Variants in CSNK1G1 observed in about 807,000 individuals in gnomAD.
CSNK1G1 encodes casein kinase I isoform gamma-1.
A neutral mutation model predicts 59.6 loss-of-function variants in CSNK1G1; 22 were observed. The observed-to-expected ratio is 0.37, with a 90% CI of 0.26 to 0.53. CSNK1G1 has a LOEUF of 0.53. CSNK1G1 is among the 20% of genes least tolerant of loss of function. CSNK1G1 has a pLI of 0.89. For missense variants in CSNK1G1, 384 were observed against 519.5 expected (o/e 0.74, Z 2.54); for synonymous variants, 179 against 177.1 (o/e 1.01, Z -0.08).
chr15:64,355,220 T>C (rs1898580154), intron 1 of CSNK1G1, among the ~76,000 whole-genome samples: 1 of 152,200 alleles, frequency 6.6e-6, no homozygotes, highest in Non-Finnish European at 1.5e-5. Flanking sequence ...GACTAGCCTA[T>C]TGTTAAATGC....
intron 4 of CSNK1G1, among the ~76,000 whole-genome samples, chr15:64,241,945 C>A: frequency 6.7e-6 from 1 of 149,248 alleles, no homozygotes; most frequent in African/African-American, 2.5e-5. Flanking sequence ...TAGACAAAAC[C>A]AACAAACCAT....
In CSNK1G1 at chr15:64,237,570, T is replaced by C. The variant is rs78424076; in HGVS notation, c.292+13942A>G. On this transcript the variant is annotated intron_variant, in intron 4 of 11. Coordinates refer to ENST00000303052, the MANE Select transcript of CSNK1G1 (RefSeq NM_022048.5). The stretch of plus-strand genomic sequence containing the variant: ...GAGTCCTCTTTAAGTAAAATTCCCA[T>C]TTTTTCTAGTATATCTTCAGAAGTT... Among the ~76,000 whole-genome samples, 1,279 of 152,324 alleles carry C rather than the reference T, an allele frequency of 8.4e-3. 19 individuals carry two copies. The highest frequency in any genetic ancestry group is 0.029 in the African/African-American group (1,202 of 41,570).
At chr15:64,173,619 C>CTTTTCT (rs1380813811) in intron 11 of CSNK1G1, among the ~76,000 whole-genome samples, 5 of 108,566 alleles carry the variant, frequency 4.6e-5, no homozygotes, top group African/African-American at 1.9e-4. Context: ...CTTTTCTTTT[C>CTTTTCT]TTTTTTTTTT....
In CSNK1G1 at chr15:64,333,369, G is replaced by A. The variant is rs186066456; in HGVS notation, c.-225+22619C>T. ...AATCCCAGCACTTTGGGAGGCTGAG[G>A]TGGGAGGATTACTTGAATCCAGGAG... On this transcript the variant is annotated intron_variant, in intron 1 of 11. Transcript: ENST00000303052. 5.4e-3 allele frequency among the ~76,000 whole-genome samples: 760 copies of A among 140,518 alleles called. 3 individuals are homozygous for A. Among genetic ancestry groups the A allele is most frequent in the South Asian group, 0.012 (49 of 4,214 alleles). The allele number at this position is 140,518 out of a possible 152,430, so 92.2% of individuals were successfully genotyped here.
At chr15:64,281,174 G>A (rs1479665872) in intron 2 of CSNK1G1, among the ~76,000 whole-genome samples, 6 of 152,118 alleles carry the variant, frequency 3.9e-5, no homozygotes, top group South Asian at 2.1e-4. Context: ...CCACCATGCC[G>A]GGCCAAAGGA....
intron 1 of CSNK1G1, among the ~76,000 whole-genome samples, chr15:64,338,602 AG>A (rs1897510320): frequency 7.3e-6 from 1 of 137,286 alleles, no homozygotes; most frequent in South Asian, 2.5e-4. Flanking sequence ...CAGGAAGCTG[AG>A]GCAGGAGAAT....
chr15:64,296,443 T>C (rs1596237922), intron 2 of CSNK1G1, among the ~76,000 whole-genome samples: 2 of 152,306 alleles, frequency 1.3e-5, no homozygotes, highest in Admixed American at 1.3e-4. Flanking sequence ...TATTATCACT[T>C]TGTATTGCAA....
At chr15:64,198,238 C>T (rs915494664) in intron 10 of CSNK1G1, among the ~76,000 whole-genome samples, 2 of 148,254 alleles carry the variant, frequency 1.3e-5, no homozygotes, top group African/African-American at 2.5e-5. Flanking sequence ...TCTGCTGCCC[C>T]GGCTGGAGTG....
At chr15:64,215,204 CTTTTTTTTTTTTTTT>C (rs11343127) in intron 5 of CSNK1G1, among the ~76,000 whole-genome samples, 1,461 of 81,890 alleles carry the variant, frequency 0.018, 22 homozygotes, top group Middle Eastern at 0.06. Context: ...TTTCTACTAA[CTTTTTTTTTTTTTTT>C]TTTTTTTTTT....
intron 4 of CSNK1G1, among the ~76,000 whole-genome samples, chr15:64,231,746 C>T (rs2082553436): frequency 1.3e-5 from 2 of 152,074 alleles, no homozygotes; most frequent in African/African-American, 4.8e-5. Context: ...AATTAGAAAC[C>T]ATTTTTTCTT....
chr15:64,173,073 T>C lies in CSNK1G1; in HGVS notation c.1215-1088A>G, dbSNP rs539576420. ...GTAAAGTTGGAAGCATAGCTCAGAC[T>C]TGCTAGATCCTTGAAAGAAAACTTT... is the stretch of plus-strand genomic sequence containing the variant. On this transcript the variant is annotated intron_variant, in intron 11 of 11. Coordinates refer to ENST00000303052, the MANE Select transcript of CSNK1G1 (RefSeq NM_022048.5). 4.6e-5 allele frequency among the ~76,000 whole-genome samples: 7 copies of C among 152,342 alleles called. No individual in the cohort carries two copies. In the East Asian group the frequency reaches 1.3e-3, roughly 29 times the overall value.
At chr15:64,349,839 T>G (rs750142023) in intron 1 of CSNK1G1, among the ~76,000 whole-genome samples, 36 of 150,688 alleles carry the variant, frequency 2.4e-4, no homozygotes, top group Non-Finnish European at 4.4e-4. Context: ...ACTCAGGAGG[T>G]TGAGGTGGAA....
At chr15:64,231,083 T>C (rs2082541890) in intron 4 of CSNK1G1, among the ~76,000 whole-genome samples, 1 of 151,732 alleles carries the variant, frequency 6.6e-6, no homozygotes, top group Admixed American at 6.6e-5. Flanking sequence ...TCTCAGCACT[T>C]TGGGAGGCTG....
intron 2 of CSNK1G1, among the ~76,000 whole-genome samples, chr15:64,292,372 C>T (rs1024137253): frequency 2.0e-5 from 3 of 152,144 alleles, no homozygotes; most frequent in Admixed American, 6.6e-5. Flanking sequence ...GAACAAGCTG[C>T]TACCCTTAGC....
chr15:64,253,052 T>C (rs1398178035), intron 3 of CSNK1G1, among the ~76,000 whole-genome samples: 1 of 151,738 alleles, frequency 6.6e-6, no homozygotes, highest in African/African-American at 2.4e-5. Context: ...TACAAATAAA[T>C]AAATAAAATA....
intron 1 of CSNK1G1, among the ~76,000 whole-genome samples, chr15:64,300,991 AC>A (rs1895301302): frequency 6.6e-6 from 1 of 152,228 alleles, no homozygotes; most frequent in Admixed American, 6.5e-5. Context: ...TGTATCTATG[AC>A]CAAAAAGAAA....
intron 1 of CSNK1G1, among the ~76,000 whole-genome samples, chr15:64,302,263 C>G (rs751039482): frequency 1.3e-5 from 2 of 152,026 alleles, no homozygotes; most frequent in Non-Finnish European, 2.9e-5. Flanking sequence ...CCACACCCAG[C>G]TAATTTTTTG....
intron 2 of CSNK1G1, among the ~76,000 whole-genome samples, chr15:64,296,777 T>A (rs929876034): frequency 6.6e-6 from 1 of 151,214 alleles, no homozygotes; most frequent in African/African-American, 2.4e-5. Context: ...GACAGGAGAA[T>A]CACTTGAACC....
At chr15:64,251,425 G>C in intron 4 of CSNK1G1, 87 bp downstream of exon 4, 1 of 909,512 alleles carries the variant, frequency 1.1e-6, no homozygotes. Flanking sequence ...TTGGTAAAAA[G>C]GGCAAACCAG....
Sources: gnomAD v4.1 joint callset for allele counts (sites outside exome capture counted in the v4.1 genomes callset) on GRCh38, gnomAD v4.1.1 for gene constraint, MANE v1.5 for transcripts, NCBI Gene and HGNC (gene_info 2026-07-23, HGNC 2026-07-21) for gene names.